Variants in SYT16 observed in about 807,000 individuals in gnomAD.
The protein encoded by SYT16 is synaptotagmin-16.
SYT16 carries 42 observed loss-of-function variants against 61.4 expected under a neutral mutation model. The observed-to-expected ratio is 0.68, with a 90% CI of 0.53 to 0.89. The LOEUF (loss-of-function observed/expected upper bound fraction) is 0.89. Among genes scored for constraint, SYT16 ranks in the 40% least tolerant of loss-of-function variants. The pLI is 0.00. For synonymous variants in SYT16, 314 were observed against 302.3 expected (o/e 1.04, Z -0.40); for missense variants, 804 against 807.3 (o/e 1.00, Z 0.05).
At chr14:61,826,256 G>A (rs768834339) in intron 1 of SYT16, among the ~76,000 whole-genome samples, 15 of 151,922 alleles carry the variant, frequency 9.9e-5, no homozygotes, top group Admixed American at 4.6e-4. Flanking sequence ...ATGCTAGTTC[G>A]CCTCATGTGC....
At chr14:61,966,387 G>T (rs534708819) in intron 1 of SYT16, among the ~76,000 whole-genome samples, 2 of 152,110 alleles carry the variant, frequency 1.3e-5, no homozygotes, top group Non-Finnish European at 2.9e-5. Context: ...CAGGTGATAA[G>T]ATTGAACATT....
intron 1 of SYT16, among the ~76,000 whole-genome samples, chr14:61,929,405 A>G (rs1237224354): frequency 6.6e-6 from 1 of 152,254 alleles, no homozygotes; most frequent in Non-Finnish European, 1.5e-5. Context: ...GAGGATGCGT[A>G]CAAGTCAGGT....
At chr14:62,018,795 C>T (rs574484450) in intron 3 of SYT16, among the ~76,000 whole-genome samples, 79 of 152,306 alleles carry the variant, frequency 5.2e-4, no homozygotes, top group African/African-American at 1.7e-3. Context: ...CCACTCTCCA[C>T]CTGTCCCCAT....
At chr14:61,977,964 C>T (rs2051889863) in intron 2 of SYT16, among the ~76,000 whole-genome samples, 1 of 152,146 alleles carries the variant, frequency 6.6e-6, no homozygotes, top group Non-Finnish European at 1.5e-5. Flanking sequence ...TCATGACTTG[C>T]TCCTTGCTCC....
rs2046841831 is a variant in SYT16 at position 61,858,143 on chromosome 14, A to AG, written c.-325+45334dup. On this transcript the variant is annotated intron_variant, in intron 1 of 7. Coordinates refer to ENST00000683842, the MANE Select transcript of SYT16 (RefSeq NM_001367656.1). ...GGCAAAAAAAAAAAAAAAAAAAAAA[A>AG]GAAAGAAAAAAAGAAAAAAAAAATT... Among the ~76,000 whole-genome samples, 31 of 144,634 alleles carry AG rather than the reference A, an allele frequency of 2.1e-4. 1 individual carries two copies. In the South Asian group the frequency reaches 6.9e-3, roughly 32 times the overall value. The allele number at this position is 144,634 out of a possible 152,430, so 94.9% of individuals were successfully genotyped here. A position where few individuals can be genotyped will look rare whatever the true frequency, so the allele number is the denominator to read the frequency against.
chr14:61,914,783 C>T (rs1566676338), intron 1 of SYT16, among the ~76,000 whole-genome samples: 1 of 152,190 alleles, frequency 6.6e-6, no homozygotes, highest in Non-Finnish European at 1.5e-5. Context: ...AGGGAGGCTT[C>T]TAAGTAATTT....
At chr14:62,019,628 G>A (rs997396060) in intron 3 of SYT16, among the ~76,000 whole-genome samples, 4 of 152,094 alleles carry the variant, frequency 2.6e-5, no homozygotes, top group African/African-American at 9.7e-5. Context: ...GTGAAGTTTG[G>A]CCTAGAATCA....
intron 1 of SYT16, among the ~76,000 whole-genome samples, chr14:61,946,582 T>G (rs2050447744): frequency 6.6e-6 from 1 of 152,158 alleles, no homozygotes; most frequent in African/African-American, 2.4e-5. Context: ...TCAGGTACTG[T>G]TTTCTGTTAA....
chr14:62,081,130 C>G lies in SYT16; in HGVS notation c.1290C>G (p.Ala430=), dbSNP rs1237422755. 1 of 1,613,948 alleles carries G rather than the reference C, an allele frequency of 6.2e-7. No individual in the cohort carries two copies. The highest frequency in any genetic ancestry group is 2.2e-5 in the East Asian group (1 of 44,878). The change falls in exon 6 of 8, where the codon GCC becomes GCG. Residue 430 remains alanine, a synonymous_variant. Transcript: ENST00000683842. ...AGCTGGAGCCCAGAGATGTGGCTGC[C>G]TGTGCTGTCCGCTTCCGCCTGTACG... is the stretch of plus-strand genomic sequence containing the variant. ...FAKLEPRDVA[A]CAVRFRLYAA... is the part of the protein sequence containing the mutation.
chr14:62,086,446 C>G (rs2056888413), intron 7 of SYT16, among the ~76,000 whole-genome samples: 1 of 152,158 alleles, frequency 6.6e-6, no homozygotes, highest in South Asian at 2.1e-4. Context: ...CACCACTGCA[C>G]TCCAGCCTGG....
At chr14:62,070,053 C>G (rs1467312248) in intron 4 of SYT16, among the ~76,000 whole-genome samples, 1 of 151,958 alleles carries the variant, frequency 6.6e-6, no homozygotes, top group Non-Finnish European at 1.5e-5. Flanking sequence ...GTTGTGGGAC[C>G]CCTTCCCTTT....
intron 7 of SYT16, among the ~76,000 whole-genome samples, chr14:62,094,524 A>T (rs10132604): frequency 0.1 from 15,593 of 152,022 alleles, 1,111 homozygotes; most frequent in South Asian, 0.24. Context: ...CATAATATGG[A>T]TTATGGATCT....
intron 1 of SYT16, among the ~76,000 whole-genome samples, chr14:61,848,345 G>T (rs1377372835): frequency 6.6e-6 from 1 of 152,184 alleles, no homozygotes; most frequent in Non-Finnish European, 1.5e-5. Context: ...GGTGGTCTTG[G>T]ATAAAATCTG....
chr14:61,919,872 A>C (rs911184645), intron 1 of SYT16, among the ~76,000 whole-genome samples: 9 of 1,964 alleles, frequency 4.6e-3, no homozygotes, highest in African/African-American at 0.01. Flanking sequence ...TGATATGCAC[A>C]CTTGGCCAGA....
chr14:61,850,298 C>G (rs2046574694), intron 1 of SYT16, among the ~76,000 whole-genome samples: 1 of 151,812 alleles, frequency 6.6e-6, no homozygotes, highest in Admixed American at 6.6e-5. Flanking sequence ...CCATGCCTGG[C>G]TAATTTTTGT....
Position 61,985,038 on chromosome 14 carries a change from G to C in SYT16, c.-144-10838G>C, listed in dbSNP as rs527826562. Among the ~76,000 whole-genome samples the C allele has an allele frequency of 7.5e-4, 114 of 152,256 alleles. No homozygotes were observed. In the Middle Eastern group the frequency reaches 0.02, roughly 27 times the overall value. ...AGATCCCATTAAGGCTGCTGTTTTT[G>C]ATGGGATCCCAAGAGGATCTGATTA... On this transcript the variant is annotated intron_variant, in intron 2 of 7. Coordinates refer to ENST00000683842, the MANE Select transcript of SYT16 (RefSeq NM_001367656.1).
intron 1 of SYT16, among the ~76,000 whole-genome samples, chr14:61,847,333 T>C (rs2046474383): frequency 6.6e-6 from 1 of 152,204 alleles, no homozygotes; most frequent in Admixed American, 6.5e-5. Flanking sequence ...TATTCTATGG[T>C]AAAAGTCTTT....
At position 62,110,319 on chromosome 14, in the gene SYT16, G is replaced by A. The variant is rs1346218031; in HGVS notation, c.*9612G>A. On this transcript the variant is annotated 3_prime_UTR_variant, in exon 8 of 8. Coordinates refer to ENST00000683842, the MANE Select transcript of SYT16 (RefSeq NM_001367656.1). ...ATACTCATTTTACCTATTTTTACCA[G>A]GTGGTTGTAGGAACAGGATTCATTC... 1 of 151,996 alleles carries A rather than the reference G, an allele frequency of 6.6e-6. No individual in the cohort carries two copies. The highest frequency in any genetic ancestry group is 6.6e-5 in the Admixed American group (1 of 15,252). 9.4% of individuals were successfully genotyped at this position (151,996 alleles called of 1,614,324 possible). A position where few individuals can be genotyped will look rare whatever the true frequency, so the allele number is the denominator to read the frequency against.
chr14:61,932,695 A>G (rs1308660143), intron 1 of SYT16, among the ~76,000 whole-genome samples: 1 of 152,176 alleles, frequency 6.6e-6, no homozygotes, highest in Non-Finnish European at 1.5e-5. Context: ...AGAGTCTGAA[A>G]GGAGACTTGA....
Sources: gnomAD v4.1 joint callset for allele counts (sites outside exome capture counted in the v4.1 genomes callset) on GRCh38, gnomAD v4.1.1 for gene constraint, MANE v1.5 for transcripts, NCBI Gene and HGNC (gene_info 2026-07-23, HGNC 2026-07-21) for gene names.